The following DKK2 variants were observed in gnomAD, a reference collection of about 807,000 sequenced individuals.
DKK2 encodes the protein dickkopf-related protein 2.
Under a neutral mutation model 28.1 loss-of-function variants are expected in DKK2, and 11 were observed. The ratio of observed to expected loss-of-function variants is 0.39; its 90% CI spans 0.25 to 0.65. The LOEUF (loss-of-function observed/expected upper bound fraction) is 0.65. Ranked by LOEUF, DKK2 falls within the 30% of genes least tolerant of loss-of-function variation. DKK2 has a pLI of 0.47. For missense variants in DKK2, 326 were observed against 335.5 expected (o/e 0.97, Z 0.22); for synonymous variants, 135 against 126.5 (o/e 1.07, Z -0.45).
chr4:106,996,854 T>C (rs1028545371), intron 1 of DKK2, among the ~76,000 whole-genome samples: 1 of 152,108 alleles, frequency 6.6e-6, no homozygotes, highest in Non-Finnish European at 1.5e-5. Context: ...CTTACTATGT[T>C]AAAAATAAAT....
chr4:106,975,104 G>T (rs1722923109), intron 1 of DKK2, among the ~76,000 whole-genome samples: 1 of 152,108 alleles, frequency 6.6e-6, no homozygotes, highest in African/African-American at 2.4e-5. Context: ...CCTTGATTGT[G>T]GTGGATAAGC....
At chr4:106,989,372 A>C (rs760074426) in intron 1 of DKK2, among the ~76,000 whole-genome samples, 1 of 152,188 alleles carries the variant, frequency 6.6e-6, no homozygotes, top group African/African-American at 2.4e-5. Context: ...GACTTGAACA[A>C]GTAATTTCTT....
chr4:107,013,084 C>T (rs1462739879), intron 1 of DKK2, among the ~76,000 whole-genome samples: 1 of 151,130 alleles, frequency 6.6e-6, no homozygotes, highest in African/African-American at 2.4e-5. Flanking sequence ...CTCCTTGACT[C>T]CCTCCAAAAT....
intron 1 of DKK2, among the ~76,000 whole-genome samples, chr4:107,015,194 G>C (rs531670165): frequency 2.4e-4 from 36 of 151,474 alleles, no homozygotes; most frequent in Non-Finnish European, 3.1e-4. Context: ...TAATGTTAAA[G>C]TTTCACATAG....
intron 1 of DKK2, among the ~76,000 whole-genome samples, chr4:107,017,349 A>G (rs971313817): frequency 1.3e-5 from 2 of 152,012 alleles, no homozygotes; most frequent in Admixed American, 1.3e-4. Context: ...GAGCTTAGCA[A>G]TTATAGCTGT....
intron 1 of DKK2, among the ~76,000 whole-genome samples, chr4:106,932,843 T>C (rs1724523007): frequency 6.6e-6 from 1 of 152,228 alleles, no homozygotes; most frequent in African/African-American, 2.4e-5. Context: ...CCTGATGTCA[T>C]GACCTAATTT....
rs60047659 is a variant in DKK2 at position 106,954,816 on chromosome 4, C to A, written c.223-28867G>T. On this transcript the variant is annotated intron_variant, in intron 1 of 3. Coordinates refer to ENST00000285311, the MANE Select transcript of DKK2 (RefSeq NM_014421.3). ...GATTACAGGCATGAGCCACTGCACC[C>A]GGCTAGAAATGTTCATTTTTATGTG... Among the ~76,000 whole-genome samples, 779 of 152,258 alleles carry A rather than the reference C, an allele frequency of 5.1e-3. 5 individuals carry two copies. Among genetic ancestry groups the A allele is most frequent in the African/African-American group, 0.017 (724 of 41,558 alleles).
chr4:106,934,260 A>G (rs976579808), intron 1 of DKK2, among the ~76,000 whole-genome samples: 11 of 152,182 alleles, frequency 7.2e-5, no homozygotes, highest in African/African-American at 2.4e-4. Context: ...AGATGCAAGT[A>G]TTACCTATTA....
At chr4:106,931,132 C>T (rs1724496700) in intron 1 of DKK2, among the ~76,000 whole-genome samples, 1 of 152,088 alleles carries the variant, frequency 6.6e-6, no homozygotes, top group Admixed American at 6.6e-5. Flanking sequence ...TCTCATCTTT[C>T]ACTTTGTCTC....
intron 1 of DKK2, among the ~76,000 whole-genome samples, chr4:106,939,104 T>C (rs902010250): frequency 6.6e-6 from 1 of 152,166 alleles, no homozygotes; most frequent in African/African-American, 2.4e-5. Context: ...GTTGGACGTT[T>C]TGGCCAGGGC....
At chr4:107,030,293 G>C (rs1723857218) in intron 1 of DKK2, among the ~76,000 whole-genome samples, 1 of 151,958 alleles carries the variant, frequency 6.6e-6, no homozygotes, top group Non-Finnish European at 1.5e-5. Flanking sequence ...TGTCAAGAGT[G>C]GACAGAGGAG....
Position 106,924,034 on chromosome 4 carries a change from C to T in DKK2, c.700G>A (p.Ala234Thr), listed in dbSNP as rs149249890. Residue 234 changes from alanine (A) to threonine (T), a missense_variant, in exon 4 of 4, where the codon GCG (alanine) becomes ACG (threonine). Physicochemically the swap from Ala to Thr is moderately conservative, Grantham distance 58. Transcript: ENST00000285311. ...GLEIFQRCDC[A>T]KGLSCKVWKD... ...CATACTTTGCAAGACAGGCCCTTCG[C>T]ACAGTCGCAACGCTGGAAAATTTCC... is the stretch of plus-strand genomic sequence containing the variant. 4.2e-5 allele frequency: 68 copies of T among 1,613,870 alleles called. No individual in the cohort carries two copies. Among genetic ancestry groups the T allele is most frequent in the Non-Finnish European group, 5.5e-5 (65 of 1,179,940 alleles).
In DKK2 at chr4:106,924,158, C is replaced by T; in HGVS notation, c.576G>A (p.Gly192=). The change falls in exon 4 of 4, where the codon GGG becomes GGA. Residue 192 remains glycine (G), a synonymous_variant. Transcript: ENST00000285311. ...TCCAGAAATGACGAGCACAGCAAAACCCTTCAATGCAGTCTGATGATCGTA... is the reference window on the plus strand; with the variant it reads ...TCCAGAAATGACGAGCACAGCAAAATCCTTCAATGCAGTCTGATGATCGTA... ...PCLRSSDCIE[G]FCCARHFWTK... 6.2e-7 allele frequency: 1 copy of T among 1,613,954 alleles called. No homozygotes were observed.
At chr4:106,980,210 A>G (rs139035356) in intron 1 of DKK2, among the ~76,000 whole-genome samples, 2 of 152,252 alleles carry the variant, frequency 1.3e-5, no homozygotes, top group East Asian at 3.9e-4. Flanking sequence ...AAGCACTAGT[A>G]TTATTGATTT....
At position 106,953,651 on chromosome 4, in the gene DKK2, A is replaced by G. The variant is rs181567374; in HGVS notation, c.223-27702T>C. 7.2e-5 allele frequency among the ~76,000 whole-genome samples: 11 copies of G among 152,256 alleles called. No homozygotes were observed. The East Asian group carries it at 2.1e-3, about 29-fold the overall frequency. On this transcript the variant is annotated intron_variant, in intron 1 of 3. Coordinates refer to ENST00000285311, the MANE Select transcript of DKK2 (RefSeq NM_014421.3). ...GAAGCTCAGAGGCTACTGAGAGAAT[A>G]CTTTTTTTCTGTGTCAATTTGAGAC...
At chr4:106,977,619 C>T (rs565967274) in intron 1 of DKK2, among the ~76,000 whole-genome samples, 1 of 152,218 alleles carries the variant, frequency 6.6e-6, no homozygotes, top group South Asian at 2.1e-4. Flanking sequence ...AAACTGGTTA[C>T]TCTAGTTAGC....
At chr4:106,949,804 G>A (rs1724831928) in intron 1 of DKK2, among the ~76,000 whole-genome samples, 1 of 152,080 alleles carries the variant, frequency 6.6e-6, no homozygotes, top group African/African-American at 2.4e-5. Flanking sequence ...TTGCATCACA[G>A]AAATAGTATG....
At chr4:107,032,616 C>A (rs1339209626) in intron 1 of DKK2, among the ~76,000 whole-genome samples, 2 of 152,030 alleles carry the variant, frequency 1.3e-5, no homozygotes, top group Admixed American at 1.3e-4. Context: ...AGAAAGAACA[C>A]CAAGGACTGA....
intron 1 of DKK2, among the ~76,000 whole-genome samples, chr4:107,023,170 T>C (rs1229407754): frequency 6.6e-6 from 1 of 152,134 alleles, no homozygotes; most frequent in Non-Finnish European, 1.5e-5. Context: ...CAACTTTTCT[T>C]CATGTTATTA....
Sources: allele counts gnomAD v4.1 joint callset (sites outside exome capture counted in the v4.1 genomes callset), GRCh38; gene constraint gnomAD v4.1.1; transcripts MANE v1.5; gene names NCBI Gene and HGNC (gene_info 2026-07-23, HGNC 2026-07-21).